Variants in PDE4D observed in about 807,000 individuals in gnomAD.
The protein encoded by PDE4D is 3',5'-cyclic-AMP phosphodiesterase 4D.
In PDE4D, 24 loss-of-function variants were observed where a neutral mutation model predicts 87.4. The ratio of observed to expected loss-of-function variants is 0.27; its 90% CI spans 0.20 to 0.39. The LOEUF (loss-of-function observed/expected upper bound fraction) is 0.39. Among genes scored for constraint, PDE4D ranks in the 10% least tolerant of loss-of-function variants. The pLI, the probability that PDE4D is intolerant of heterozygous loss-of-function variation, is 1.00. For synonymous variants in PDE4D, 384 were observed against 383.2 expected (o/e 1.00, Z -0.02); for missense variants, 714 against 1,041.0 (o/e 0.69, Z 4.32).
intron 5 of PDE4D, among the ~76,000 whole-genome samples, chr5:59,041,070 T>A (rs1470033141): frequency 6.6e-6 from 1 of 152,180 alleles, no homozygotes; most frequent in Non-Finnish European, 1.5e-5. Context: ...CCCCGCAGTC[T>A]ATGTAAATAT....
At chr5:59,867,977 G>A (rs1236585289) in intron 1 of PDE4D, among the ~76,000 whole-genome samples, 1 of 152,132 alleles carries the variant, frequency 6.6e-6, no homozygotes, top group Admixed American at 6.6e-5. Context: ...TTTTGATACT[G>A]AAGATCGTGT....
intron 1 of PDE4D, among the ~76,000 whole-genome samples, chr5:59,807,286 C>T (rs777554043): frequency 1.2e-4 from 19 of 152,212 alleles, no homozygotes; most frequent in Non-Finnish European, 2.4e-4. Flanking sequence ...AATATGGTCA[C>T]GCAGAGCCCC....
intron 1 of PDE4D, among the ~76,000 whole-genome samples, chr5:60,305,558 C>G (rs963403603): frequency 6.6e-6 from 1 of 151,780 alleles, no homozygotes; most frequent in Non-Finnish European, 1.5e-5. Context: ...AGAAAACTTT[C>G]CTGATCTCAG....
At chr5:60,439,479 T>C (rs1019985451) in intron 1 of PDE4D, among the ~76,000 whole-genome samples, 2 of 152,078 alleles carry the variant, frequency 1.3e-5, no homozygotes, top group Non-Finnish European at 2.9e-5. Flanking sequence ...ATTCATTCTA[T>C]CCCAAATGGC....
At chr5:59,335,950 T>A (rs1777584312) in intron 1 of PDE4D, among the ~76,000 whole-genome samples, 1 of 152,238 alleles carries the variant, frequency 6.6e-6, no homozygotes. Flanking sequence ...TCTATAACTA[T>A]ATTCAGATGA....
At chr5:59,914,989 G>A (rs1324040961) in intron 3 of PDE4D, among the ~76,000 whole-genome samples, 2 of 151,754 alleles carry the variant, frequency 1.3e-5, no homozygotes, top group African/African-American at 4.8e-5. Context: ...TGCTTCTATT[G>A]AGTGAAGTGG....
chr5:59,574,075 T>TATATAAAA (rs1561240303), intron 1 of PDE4D, among the ~76,000 whole-genome samples: 1 of 15,086 alleles, frequency 6.6e-5, no homozygotes, highest in African/African-American at 2.0e-4. Context: ...TATATATTTA[T>TATATAAAA]ATATATATTT....
At chr5:60,223,369 C>G (rs1370600040) in intron 1 of PDE4D, among the ~76,000 whole-genome samples, 1 of 152,038 alleles carries the variant, frequency 6.6e-6, no homozygotes, top group Non-Finnish European at 1.5e-5. Flanking sequence ...ACCAGGAAGC[C>G]AGAATCTGCT....
intron 3 of PDE4D, among the ~76,000 whole-genome samples, chr5:59,939,310 T>A (rs183858857): frequency 6.6e-6 from 1 of 152,300 alleles, no homozygotes; most frequent in Non-Finnish European, 1.5e-5. Context: ...TTATATATTT[T>A]ATGCTTCTAA....
At chr5:60,073,955 A>T (rs1315762142) in intron 2 of PDE4D, among the ~76,000 whole-genome samples, 1 of 151,800 alleles carries the variant, frequency 6.6e-6, no homozygotes, top group Admixed American at 6.6e-5. Flanking sequence ...CATCTGTCTT[A>T]TTAATTTTTC....
At chr5:59,388,978 C>A (rs1026704761) in intron 1 of PDE4D, among the ~76,000 whole-genome samples, 10 of 151,852 alleles carry the variant, frequency 6.6e-5, no homozygotes, top group African/African-American at 1.9e-4. Flanking sequence ...ACCCCCAAAC[C>A]TTCTAGACTT....
chr5:59,867,187 C>T (rs1183316754), intron 1 of PDE4D, among the ~76,000 whole-genome samples: 4 of 151,956 alleles, frequency 2.6e-5, no homozygotes, highest in South Asian at 2.1e-4. Context: ...GCCAGGAGAA[C>T]GAGATGTGAC....
At chr5:59,402,367 T>G (rs961661080) in intron 1 of PDE4D, among the ~76,000 whole-genome samples, 5 of 152,198 alleles carry the variant, frequency 3.3e-5, no homozygotes, top group Admixed American at 1.3e-4. Context: ...CAGCACAAGC[T>G]GTCCCTGACA....
At chr5:60,059,339 A>G (rs1301156709) in intron 2 of PDE4D, among the ~76,000 whole-genome samples, 1 of 151,960 alleles carries the variant, frequency 6.6e-6, no homozygotes, top group Non-Finnish European at 1.5e-5. Flanking sequence ...TGTATTACAT[A>G]ATATCTTGTG....
At chr5:60,503,189 G>T (rs1261329081) in intron 1 of PDE4D, among the ~76,000 whole-genome samples, 1 of 151,986 alleles carries the variant, frequency 6.6e-6, no homozygotes, top group African/African-American at 2.4e-5. Flanking sequence ...AGAAAGTGAG[G>T]GAATCCACGA....
rs189156001 is a variant in PDE4D, at chr5:60,003,059, C to T, written c.43-14342G>A. On this transcript the variant is annotated intron_variant, in intron 2 of 16. Transcript: ENST00000502484. ...TTAAGAAAATAATTCAGCAAATTTA[C>T]AAGATATAAAATCAACATACAGCAA... is the stretch of plus-strand genomic sequence containing the variant. Among the ~76,000 whole-genome samples, 313 of 152,064 alleles carry T rather than the reference C, an allele frequency of 2.1e-3. 5 individuals carry two copies. Among genetic ancestry groups the T allele is most frequent in the East Asian group, 5.8e-4 (3 of 5,178 alleles).
intron 5 of PDE4D, among the ~76,000 whole-genome samples, chr5:59,180,178 G>A (rs1741155663): frequency 6.6e-6 from 1 of 152,114 alleles, no homozygotes; most frequent in Non-Finnish European, 1.5e-5. Context: ...ACACAAGTGG[G>A]ATATTGATGA....
At chr5:60,129,790 T>C (rs1326266839) in intron 2 of PDE4D, among the ~76,000 whole-genome samples, 1 of 152,214 alleles carries the variant, frequency 6.6e-6, no homozygotes, top group African/African-American at 2.4e-5. Flanking sequence ...TTCCTGACTT[T>C]CTTTTTTATT....
rs199756855 is a variant in PDE4D at position 59,287,738 on chromosome 5, C to G, written c.456-71770G>C. Among the ~76,000 whole-genome samples, 97 of 111,152 alleles carry G rather than the reference C, an allele frequency of 8.7e-4. No homozygotes were observed. In the East Asian group the frequency reaches 0.018, roughly 21 times the overall value. 72.9% of individuals were successfully genotyped at this position (111,152 alleles called of 152,430 possible). On this transcript the variant is annotated intron_variant, in intron 1 of 14. Coordinates refer to ENST00000340635, the MANE Select transcript of PDE4D (RefSeq NM_001104631.2). ...ACACACAGAGAGAGAGAGAGAGAGA[C>G]AGACAGACAGACAGACAGACTGAGA...
Sources: allele counts gnomAD v4.1 joint callset (sites outside exome capture counted in the v4.1 genomes callset), GRCh38; gene constraint gnomAD v4.1.1; transcripts MANE v1.5; gene names NCBI Gene and HGNC (gene_info 2026-07-23, HGNC 2026-07-21).